IMMP2L: variants seen among roughly 807,000 people sequenced by gnomAD.
IMMP2L encodes mitochondrial inner membrane protease subunit 2.
IMMP2L carries 18 observed loss-of-function variants against 19.3 expected under a neutral mutation model. That is an observed-to-expected ratio of 0.93 (90% confidence interval 0.64 to 1.38). The LOEUF (loss-of-function observed/expected upper bound fraction) is 1.38. Among genes scored for constraint, IMMP2L ranks in the 40% most tolerant of loss-of-function variants. The pLI, the probability that IMMP2L is intolerant of heterozygous loss-of-function variation, is 0.00. For missense variants in IMMP2L, 233 were observed against 218.2 expected (o/e 1.07, Z -0.43); for synonymous variants, 76 against 73.0 (o/e 1.04, Z -0.21).
rs1261818967 is a variant in IMMP2L, at chr7:111,383,857, T to C, written c.239+103381A>G. 2.6e-5 allele frequency among the ~76,000 whole-genome samples: 4 copies of C among 152,108 alleles called. No individual in the cohort carries two copies. The East Asian group carries it at 7.7e-4, about 29-fold the overall frequency. On this transcript the variant is annotated intron_variant, in intron 3 of 5. Coordinates refer to ENST00000405709, the MANE Select transcript of IMMP2L (RefSeq NM_032549.4). ...TATGTTCAAGCCCATGAATATTCAGTTTATATGTCACCTTATCAAGGAAGT... is the reference window on the plus strand; with the variant it reads ...TATGTTCAAGCCCATGAATATTCAGCTTATATGTCACCTTATCAAGGAAGT...
At position 111,060,904 on chromosome 7, in the gene IMMP2L, A is replaced by G. The variant is rs376531268; in HGVS notation, c.240-97339T>C. ...TTACTTAGATGAATTTCATCCTCAC[A>G]AACTATAAGAAACCTACATATTACG... On this transcript the variant is annotated intron_variant, in intron 3 of 5. Transcript: ENST00000405709. 2.3e-3 allele frequency among the ~76,000 whole-genome samples: 352 copies of G among 152,352 alleles called. 19 individuals carry two copies. The South Asian group carries it at 0.071, about 31-fold the overall frequency.
intron 5 of IMMP2L, among the ~76,000 whole-genome samples, chr7:110,785,318 T>C (rs547573436): frequency 4.6e-5 from 7 of 152,116 alleles, no homozygotes; most frequent in Admixed American, 3.3e-4. Context: ...TTTAAAATAA[T>C]ATATCTTCTT....
chr7:111,364,039 C>A (rs1335957323), intron 3 of IMMP2L, among the ~76,000 whole-genome samples: 1 of 152,002 alleles, frequency 6.6e-6, no homozygotes, highest in Non-Finnish European at 1.5e-5. Flanking sequence ...TATACACATA[C>A]AATGGGCAAA....
chr7:111,411,095 A>G (rs1250135849), intron 3 of IMMP2L, among the ~76,000 whole-genome samples: 1 of 150,616 alleles, frequency 6.6e-6, no homozygotes, highest in African/African-American at 2.4e-5. Context: ...ATTGCTAAAA[A>G]AAAAAAAAAA....
chr7:111,453,450 G>A (rs989221815), intron 3 of IMMP2L, among the ~76,000 whole-genome samples: 2 of 152,036 alleles, frequency 1.3e-5, no homozygotes, highest in Non-Finnish European at 2.9e-5. Flanking sequence ...ATTGAGAGAC[G>A]CATTTGTGAA....
At chr7:110,968,208 C>T (rs575041813) in intron 3 of IMMP2L, among the ~76,000 whole-genome samples, 5 of 151,952 alleles carry the variant, frequency 3.3e-5, no homozygotes, top group Admixed American at 1.3e-4. Context: ...AAATCCTAAA[C>T]CAGTGGCCAG....
chr7:111,478,395 T>C (rs1841900795), intron 3 of IMMP2L, among the ~76,000 whole-genome samples: 1 of 152,110 alleles, frequency 6.6e-6, no homozygotes, highest in Non-Finnish European at 1.5e-5. Context: ...TGATCATAAT[T>C]TTTTTCTGTT....
chr7:111,345,377 T>C (rs1433990403), intron 3 of IMMP2L, among the ~76,000 whole-genome samples: 1 of 152,112 alleles, frequency 6.6e-6, no homozygotes, highest in Non-Finnish European at 1.5e-5. Context: ...TAAGCAGCTG[T>C]TTGCAATAAG....
chr7:111,331,917 T>A (rs1825916481), intron 3 of IMMP2L, among the ~76,000 whole-genome samples: 1 of 151,916 alleles, frequency 6.6e-6, no homozygotes, highest in Non-Finnish European at 1.5e-5. Flanking sequence ...CAACTTGTTA[T>A]TAACTGGGAA....
intron 3 of IMMP2L, among the ~76,000 whole-genome samples, chr7:111,287,691 G>C (rs1820647267): frequency 6.6e-6 from 1 of 152,036 alleles, no homozygotes; most frequent in Non-Finnish European, 1.5e-5. Context: ...TTCTGATTCG[G>C]GCCCAGAGTT....
At chr7:110,826,836 T>C (rs186842975) in intron 5 of IMMP2L, among the ~76,000 whole-genome samples, 247 of 151,440 alleles carry the variant, frequency 1.6e-3, no homozygotes, top group Non-Finnish European at 2.9e-3. Context: ...TAAAGTATAT[T>C]AAAAAAATAA....
chr7:111,041,090 A>G (rs1791851329), intron 3 of IMMP2L, among the ~76,000 whole-genome samples: 1 of 152,132 alleles, frequency 6.6e-6, no homozygotes, highest in Non-Finnish European at 1.5e-5. Flanking sequence ...ATCTTCTAGA[A>G]GATAATCCTG....
At chr7:111,326,753 T>C (rs1825360124) in intron 3 of IMMP2L, among the ~76,000 whole-genome samples, 1 of 151,808 alleles carries the variant, frequency 6.6e-6, no homozygotes, top group African/African-American at 2.4e-5. Flanking sequence ...TGGTGGGAAA[T>C]GCAACAGCTC....
At chr7:111,121,237 T>C (rs1800575967) in intron 3 of IMMP2L, among the ~76,000 whole-genome samples, 3 of 152,310 alleles carry the variant, frequency 2.0e-5, no homozygotes, top group African/African-American at 7.2e-5. Flanking sequence ...TTTGAGTTCA[T>C]TGTAGATTCT....
chr7:111,438,333 T>C (rs1216739886), intron 3 of IMMP2L, among the ~76,000 whole-genome samples: 1 of 151,868 alleles, frequency 6.6e-6, no homozygotes, highest in East Asian at 1.9e-4. Context: ...TCTAAAATTA[T>C]AGAACTACAT....
intron 3 of IMMP2L, among the ~76,000 whole-genome samples, chr7:111,400,242 G>A (rs545509896): frequency 6.6e-6 from 1 of 152,120 alleles, no homozygotes; most frequent in Admixed American, 6.5e-5. Flanking sequence ...TTAAATAAAT[G>A]AATGAGTACA....
At chr7:111,035,510 G>A (rs978767108) in intron 3 of IMMP2L, among the ~76,000 whole-genome samples, 3 of 152,142 alleles carry the variant, frequency 2.0e-5, no homozygotes, top group African/African-American at 4.8e-5. Flanking sequence ...TTCTACATAT[G>A]TGATCAACTA....
intron 3 of IMMP2L, among the ~76,000 whole-genome samples, chr7:111,295,402 C>T (rs147674528): frequency 6.6e-6 from 1 of 151,920 alleles, no homozygotes; most frequent in African/African-American, 2.4e-5. Flanking sequence ...TGTGGTACAG[C>T]CCTAAAGCCT....
chr7:111,479,236 A>T (rs775972706), intron 3 of IMMP2L, among the ~76,000 whole-genome samples: 3 of 152,156 alleles, frequency 2.0e-5, no homozygotes, highest in Non-Finnish European at 4.4e-5. Flanking sequence ...AAGGTGAAAA[A>T]TGACACCAAA....
Sources: allele counts gnomAD v4.1 joint callset (sites outside exome capture counted in the v4.1 genomes callset), GRCh38; gene constraint gnomAD v4.1.1; transcripts MANE v1.5; gene names NCBI Gene and HGNC (gene_info 2026-07-23, HGNC 2026-07-21).